The following DNAH3 variants were observed in gnomAD, a reference collection of about 807,000 sequenced individuals.
DNAH3 encodes the protein axonemal beta dynein heavy chain 3.
DNAH3 carries 332 observed loss-of-function variants against 432.5 expected under a neutral mutation model. The ratio of observed to expected loss-of-function variants is 0.77; its 90% CI spans 0.70 to 0.84. The LOEUF is 0.84. Among genes scored for constraint, DNAH3 ranks in the 40% least tolerant of loss-of-function variants. The probability of loss-of-function intolerance (pLI) is 0.00; values close to 1 mark genes in which losing one functional copy is unlikely to be tolerated. For missense variants in DNAH3, 4,861 were observed against 5,114.0 expected, an observed-to-expected ratio of 0.95 and a Z score of 1.51; for synonymous variants, 1,956 against 1,900.2, an observed-to-expected ratio of 1.03 and a Z score of -0.76.
At chr16:21,114,300 C>G (rs1433112037) in intron 12 of DNAH3, among the ~76,000 whole-genome samples, 3 of 152,104 alleles carry the variant, frequency 2.0e-5, no homozygotes, top group Non-Finnish European at 4.4e-5. Context: ...AACCTAAAAT[C>G]TATTAAATAA....
intron 59 of DNAH3, among the ~76,000 whole-genome samples, chr16:20,938,369 G>T (rs534908775): frequency 6.7e-6 from 1 of 150,028 alleles, no homozygotes; most frequent in Non-Finnish European, 1.5e-5. Context: ...CAGCCTGGGC[G>T]ACAAGAGTGA....
chr16:20,946,819 CTTTTTT>C (rs71149199), intron 57 of DNAH3, among the ~76,000 whole-genome samples: 1 of 70,864 alleles, frequency 1.4e-5, no homozygotes, highest in Non-Finnish European at 2.5e-5. Flanking sequence ...ATTGTGAGTC[CTTTTTT>C]TTTTTTTTTT....
At chr16:20,948,672 A>C in intron 56 of DNAH3, 35 bp from the exon 57 acceptor site, 1 of 1,611,900 alleles carries the variant, frequency 6.2e-7, no homozygotes, top group South Asian at 1.1e-5. Context: ...GGTTGAGCCC[A>C]GGGAAGGTCA....
intron 38 of DNAH3, among the ~76,000 whole-genome samples, chr16:21,025,599 G>A (rs2088508997): frequency 6.6e-6 from 1 of 150,860 alleles, no homozygotes; most frequent in Admixed American, 6.6e-5. Flanking sequence ...TATTGCTAAG[G>A]TTTTGTCCTT....
intron 3 of DNAH3, 79 bp from the exon 5 acceptor site, chr16:21,141,451 G>T: frequency 9.3e-7 from 1 of 1,078,628 alleles, no homozygotes; most frequent in Non-Finnish European, 1.4e-6. Context: ...CATGACTCTC[G>T]GAACAGTCCA....
intron 51 of DNAH3, among the ~76,000 whole-genome samples, chr16:20,972,599 G>T (rs1189966738): frequency 6.6e-6 from 1 of 152,002 alleles, no homozygotes; most frequent in African/African-American, 2.4e-5. Context: ...AAGTGAAAAA[G>T]CATCTGTAAT....
intron 58 of DNAH3, 66 bp from the exon 59 acceptor site, chr16:20,941,609 CTT>C: frequency 6.4e-7 from 1 of 1,569,428 alleles, no homozygotes; most frequent in South Asian, 1.2e-5. Context: ...TTTGGATAAA[CTT>C]TAAGTACTGA....
intron 51 of DNAH3, among the ~76,000 whole-genome samples, chr16:20,972,098 CAG>C (rs1240286226): frequency 1.3e-5 from 2 of 152,186 alleles, no homozygotes; most frequent in Non-Finnish European, 1.5e-5. Context: ...TTGGAACACA[CAG>C]GGGCAGCATC....
At chr16:20,994,702 A>G (rs919780521) in intron 44 of DNAH3, among the ~76,000 whole-genome samples, 1 of 152,132 alleles carries the variant, frequency 6.6e-6, no homozygotes, top group African/African-American at 2.4e-5. Flanking sequence ...GTCTCTGTCA[A>G]TTTGACTACT....
chr16:21,089,262 G>A (rs566531676), intron 18 of DNAH3, among the ~76,000 whole-genome samples: 3 of 152,162 alleles, frequency 2.0e-5, no homozygotes, highest in African/African-American at 2.4e-5. Context: ...AAGTGGAAGC[G>A]ACACTCACTA....
At chr16:21,126,194 A>G (rs1173052134) in intron 8 of DNAH3, among the ~76,000 whole-genome samples, 2 of 152,086 alleles carry the variant, frequency 1.3e-5, no homozygotes, top group Non-Finnish European at 2.9e-5. Context: ...ACAAACAAAC[A>G]AAAAGAAATA....
intron 40 of DNAH3, 96 bp downstream of exon 40, chr16:21,021,875 C>A: frequency 6.9e-7 from 1 of 1,450,666 alleles, no homozygotes; most frequent in South Asian, 1.3e-5. Flanking sequence ...TGCACTCTAG[C>A]CTTGGTGACA....
At chr16:21,003,204 C>T in exon 42 of DNAH3, 2 of 1,599,892 alleles carry the variant, frequency 1.3e-6, no homozygotes, top group South Asian at 1.1e-5. Context: ...ATCATAGATG[C>T]TTCCTGGACC....
At chr16:21,104,681 T>C (rs926667530) in intron 15 of DNAH3, 87 bp from the exon 16 acceptor site, 2 of 748,770 alleles carry the variant, frequency 2.7e-6, no homozygotes, top group Non-Finnish European at 4.7e-6. Flanking sequence ...GAACAAGAGG[T>C]CAACAGGAGT....
At chr16:21,121,169 A>C in intron 10 of DNAH3, 1 of 449,700 alleles carries the variant, frequency 2.2e-6, no homozygotes, top group Non-Finnish European at 4.2e-6. Flanking sequence ...CCTTCCCTAT[A>C]TGGAACTGGA....
At chr16:20,957,485 C>T (rs543094842) in intron 54 of DNAH3, among the ~76,000 whole-genome samples, 7 of 152,164 alleles carry the variant, frequency 4.6e-5, no homozygotes, top group African/African-American at 1.7e-4. Context: ...ATTTGGCTAT[C>T]GGGCCATAGG....
intron 57 of DNAH3, 53 bp downstream of exon 57, chr16:20,948,430 A>T: frequency 6.3e-7 from 1 of 1,577,042 alleles, no homozygotes; most frequent in Non-Finnish European, 8.6e-7. Flanking sequence ...AGCCATATAG[A>T]GATGACGGAG....
At chr16:21,025,209 G>A (rs1411747674) in intron 38 of DNAH3, among the ~76,000 whole-genome samples, 1 of 151,874 alleles carries the variant, frequency 6.6e-6, no homozygotes, top group Non-Finnish European at 1.5e-5. Context: ...CAAAGCGCTG[G>A]GATTACAGGT....
At chr16:21,037,714 C>T (rs530012498) in intron 34 of DNAH3, 47 bp downstream of exon 34, 2 of 1,549,548 alleles carry the variant, frequency 1.3e-6, no homozygotes, top group African/African-American at 2.7e-5. Context: ...TTTCATCTTC[C>T]AACATTGAGC....
Sources: allele counts gnomAD v4.1 joint callset (sites outside exome capture counted in the v4.1 genomes callset), GRCh38; gene constraint gnomAD v4.1.1; transcripts MANE v1.5; gene names NCBI Gene and HGNC (gene_info 2026-07-23, HGNC 2026-07-21).